Variants in ADGRL2 observed in about 807,000 individuals in gnomAD.
The protein encoded by ADGRL2 is calcium-independent alpha-latrotoxin receptor 2.
Under a neutral mutation model 157.4 loss-of-function variants are expected in ADGRL2, and 44 were observed. The observed-to-expected ratio is 0.28, with a 90% confidence interval of 0.22 to 0.36. ADGRL2 has a LOEUF of 0.36. Ranked by LOEUF, ADGRL2 falls within the 10% of genes least tolerant of loss-of-function variation. The probability of loss-of-function intolerance (pLI) is 1.00; values close to 1 mark genes in which losing one functional copy is unlikely to be tolerated. For synonymous variants in ADGRL2, 585 were observed against 624.7 expected (o/e 0.94, Z 0.95); for missense variants, 1,510 against 1,768.9 (o/e 0.85, Z 2.63).
At chr1:81,801,454 C>T (rs1439026016) in intron 1 of ADGRL2, among the ~76,000 whole-genome samples, 1 of 152,214 alleles carries the variant, frequency 6.6e-6, no homozygotes, top group Non-Finnish European at 1.5e-5. Flanking sequence ...TCTCTCTCCG[C>T]TCACACACAC....
intron 1 of ADGRL2, among the ~76,000 whole-genome samples, chr1:81,429,290 C>T (rs1312211393): frequency 1.3e-5 from 2 of 151,704 alleles, no homozygotes; most frequent in African/African-American, 2.4e-5. Flanking sequence ...TTTTTTTTAA[C>T]TTAAATATCC....
At chr1:81,862,430 T>A (rs1427811906) in intron 2 of ADGRL2, among the ~76,000 whole-genome samples, 1 of 152,202 alleles carries the variant, frequency 6.6e-6, no homozygotes, top group Non-Finnish European at 1.5e-5. Flanking sequence ...AGTTACTAGG[T>A]AAGTACTCTT....
intron 2 of ADGRL2, among the ~76,000 whole-genome samples, chr1:81,529,609 T>G (rs889777935): frequency 6.6e-6 from 1 of 152,248 alleles, no homozygotes; most frequent in African/African-American, 2.4e-5. Flanking sequence ...CATTATTTTT[T>G]ATTGTTGTAT....
At chr1:81,989,517 ATAAATAT>A (rs1344148702) in intron 23 of ADGRL2, 4 of 618,944 alleles carry the variant, frequency 6.5e-6, no homozygotes, top group Admixed American at 5.9e-5. Context: ...ACTCAAAATA[ATAAATAT>A]TAAATGAAAA....
chr1:81,718,220 A>G (rs368286245), intron 1 of ADGRL2, among the ~76,000 whole-genome samples: 1 of 152,138 alleles, frequency 6.6e-6, no homozygotes, highest in Non-Finnish European at 1.5e-5. Context: ...GGGTTTCACC[A>G]TGTTGGCCAG....
chr1:81,344,976 T>C (rs1486144257), intron 1 of ADGRL2, among the ~76,000 whole-genome samples: 1 of 152,134 alleles, frequency 6.6e-6, no homozygotes, highest in African/African-American at 2.4e-5. Flanking sequence ...TCTGATTTTG[T>C]GACACTGTTG....
chr1:81,827,259 C>T (rs1295270201), intron 1 of ADGRL2, among the ~76,000 whole-genome samples: 1 of 152,140 alleles, frequency 6.6e-6, no homozygotes, highest in Non-Finnish European at 1.5e-5. Context: ...TAATGTGGAT[C>T]TGGGATATAT....
intron 11 of ADGRL2, among the ~76,000 whole-genome samples, chr1:81,957,925 G>T (rs921783227): frequency 6.6e-6 from 1 of 151,988 alleles, no homozygotes; most frequent in Non-Finnish European, 1.5e-5. Context: ...CAGCACTTTG[G>T]GAGGCCGAGG....
intron 1 of ADGRL2, among the ~76,000 whole-genome samples, chr1:81,383,903 G>A (rs2076389012): frequency 7.1e-6 from 1 of 141,398 alleles, no homozygotes. Flanking sequence ...GCAGTGAGCC[G>A]AGATCACACC....
chr1:81,813,992 C>T (rs1052395056), intron 1 of ADGRL2, among the ~76,000 whole-genome samples: 1 of 151,358 alleles, frequency 6.6e-6, no homozygotes, highest in Non-Finnish European at 1.5e-5. Context: ...GACTACTGAG[C>T]GATTTTTAAA....
intron 1 of ADGRL2, among the ~76,000 whole-genome samples, chr1:81,836,156 G>A (rs993610745): frequency 3.9e-5 from 6 of 152,004 alleles, no homozygotes; most frequent in Non-Finnish European, 7.4e-5. Flanking sequence ...CCTCAGAAAG[G>A]GAGGGAAGAG....
At chr1:81,314,246 T>C (rs1404918478) in intron 1 of ADGRL2, among the ~76,000 whole-genome samples, 1 of 152,216 alleles carries the variant, frequency 6.6e-6, no homozygotes, top group Non-Finnish European at 1.5e-5. Context: ...TGTGTATCTA[T>C]GTCATAAAGT....
intron 1 of ADGRL2, among the ~76,000 whole-genome samples, chr1:81,714,846 G>A (rs952412830): frequency 2.6e-4 from 38 of 147,892 alleles, no homozygotes; most frequent in African/African-American, 9.1e-4. Flanking sequence ...GTTTGGGCAT[G>A]TTTTGTTTTT....
At chr1:81,788,305 G>A (rs1313769218) in intron 2 of ADGRL2, among the ~76,000 whole-genome samples, 1 of 152,158 alleles carries the variant, frequency 6.6e-6, no homozygotes, top group East Asian at 1.9e-4. Flanking sequence ...GGTCATGGGG[G>A]AGGATCCCTC....
At chr1:81,311,680 A>G (rs530744457) in intron 1 of ADGRL2, among the ~76,000 whole-genome samples, 3 of 152,362 alleles carry the variant, frequency 2.0e-5, no homozygotes, top group South Asian at 4.1e-4. Flanking sequence ...ACTTAGCTAT[A>G]TTCCAAATAC....
chr1:81,617,929 G>A (rs1176170266), intron 3 of ADGRL2, among the ~76,000 whole-genome samples: 1 of 152,174 alleles, frequency 6.6e-6, no homozygotes, highest in Non-Finnish European at 1.5e-5. Flanking sequence ...CTTGAAATGT[G>A]GAAGGAGCAA....
chr1:81,982,040 T>C (rs981990527), intron 19 of ADGRL2, 64 bp downstream of exon 19: 114 of 1,246,674 alleles, frequency 9.1e-5, no homozygotes, highest in Non-Finnish European at 1.2e-4. Flanking sequence ...ATAATAGATA[T>C]AATAAAGAAT....
chr1:81,471,995 A>C (rs2078182013), intron 2 of ADGRL2, among the ~76,000 whole-genome samples: 1 of 152,196 alleles, frequency 6.6e-6, no homozygotes, highest in Admixed American at 6.5e-5. Flanking sequence ...TCTAACCCTC[A>C]AATTACAGTA....
At chr1:81,738,171 C>T (rs957282456) in intron 1 of ADGRL2, among the ~76,000 whole-genome samples, 5 of 152,138 alleles carry the variant, frequency 3.3e-5, no homozygotes, top group Non-Finnish European at 7.4e-5. Context: ...TGGCAGGATC[C>T]GGATCCGGAT....
Sources: allele counts gnomAD v4.1 joint callset (sites outside exome capture counted in the v4.1 genomes callset), GRCh38; gene constraint gnomAD v4.1.1; transcripts MANE v1.5; gene names NCBI Gene and HGNC (gene_info 2026-07-23, HGNC 2026-07-21).